AKAP9: variants seen among roughly 807,000 people sequenced by gnomAD.
AKAP9 encodes A-kinase anchoring protein 9.
AKAP9 carries 311 observed loss-of-function variants against 488.5 expected under a neutral mutation model. The ratio of observed to expected loss-of-function variants is 0.64; its 90% CI spans 0.58 to 0.70. The LOEUF is 0.70. Ranked by LOEUF, AKAP9 falls within the 30% of genes least tolerant of loss-of-function variation. The pLI is 0.00. For missense variants in AKAP9, 4,215 were observed against 4,374.5 expected (o/e 0.96, Z 1.03); for synonymous variants, 1,462 against 1,483.5 (o/e 0.99, Z 0.33).
At chr7:91,971,633 TTTC>T (rs955100179) in intron 1 of AKAP9, among the ~76,000 whole-genome samples, 3 of 143,702 alleles carry the variant, frequency 2.1e-5, no homozygotes, top group Admixed American at 7.4e-5. Flanking sequence ...AGTGGCGCGA[TTTC>T]AGCTCACTGC....
chr7:92,039,050 C>A (rs959051364), intron 17 of AKAP9, among the ~76,000 whole-genome samples: 1 of 152,070 alleles, frequency 6.6e-6, no homozygotes, highest in African/African-American at 2.4e-5. Flanking sequence ...GGACTCCATG[C>A]GCGTGCCACC....
rs759825213 is a variant in AKAP9, at chr7:92,097,617, C to T, written c.10430C>T (p.Thr3477Ile). The change falls in exon 42 of 50, where the codon ACT becomes ATT. Residue 3477 changes from threonine (T) to isoleucine (I), a missense_variant. Thr to Ile is a moderately conservative substitution (Grantham distance 89). Around this residue, in one of 5 missense-constraint regions of AKAP9, gnomAD observed 1,476 missense variants for 1,477.4 expected, o/e 1.00. Transcript: ENST00000356239. ...PTTWSLTSDR[T>I]RNWVLQQKIE... ...ACGTGGAGCTTAACCAGTGATAGAACTAGAAATTGGGTTCTTCAACAGAAA... is the reference window on the plus strand; with the variant it reads ...ACGTGGAGCTTAACCAGTGATAGAATTAGAAATTGGGTTCTTCAACAGAAA... 6.2e-7 allele frequency: 1 copy of T among 1,613,678 alleles called. No homozygotes were observed. The highest frequency in any genetic ancestry group is 1.7e-5 in the Admixed American group (1 of 60,012).
intron 37 of AKAP9, among the ~76,000 whole-genome samples, chr7:92,087,942 G>A (rs1402668693): frequency 6.6e-6 from 1 of 151,740 alleles, no homozygotes; most frequent in Admixed American, 6.6e-5. Context: ...AGTAAATGTA[G>A]AAGGAACAAT....
chr7:92,089,290 T>C (rs1815124605), intron 37 of AKAP9, 95 bp from the exon 38 acceptor site: 1 of 1,399,254 alleles, frequency 7.1e-7, no homozygotes, highest in Non-Finnish European at 1.0e-6. Flanking sequence ...AATTTTAGTA[T>C]GTGTGTTCCA....
At position 91,941,821 on chromosome 7, in the gene AKAP9, C is replaced by T. The variant is rs991499362; in HGVS notation, c.48+674C>T. On this transcript the variant is annotated intron_variant, in intron 1 of 49. Coordinates refer to ENST00000356239, the MANE Select transcript of AKAP9 (RefSeq NM_005751.5). Reference sequence around the variant, plus strand: ...AGGACCGAAAGGTTCCATATGCCAACACCTATAGAATTCCTGCTTTAAATA... The same window carrying T: ...AGGACCGAAAGGTTCCATATGCCAATACCTATAGAATTCCTGCTTTAAATA... 7.2e-5 allele frequency among the ~76,000 whole-genome samples: 11 copies of T among 151,982 alleles called. No homozygotes were observed. The East Asian group carries it at 2.1e-3, about 29-fold the overall frequency.
rs575180610 is a variant in AKAP9, at chr7:92,005,411, G to T, written c.3318+2176G>T. On this transcript the variant is annotated intron_variant, in intron 8 of 49. Transcript: ENST00000356239. ...GGTAAGTTTAAAGAACAGAATGAAG[G>T]CTTGTGTAGTTGAGTTTGAGAGAGC... Among the ~76,000 whole-genome samples, 3 of 152,248 alleles carry T rather than the reference G, an allele frequency of 2.0e-5. No individual in the cohort carries two copies. In the East Asian group the frequency reaches 5.8e-4, roughly 29 times the overall value.
chr7:91,989,218 G>T (rs1797476075), intron 3 of AKAP9, among the ~76,000 whole-genome samples: 1 of 152,002 alleles, frequency 6.6e-6, no homozygotes, highest in African/African-American at 2.4e-5. Flanking sequence ...ATTTATTTAG[G>T]TATATTGTGG....
chr7:92,108,423 G>T, intron 48 of AKAP9, 71 bp from the exon 49 acceptor site: 1 of 1,515,706 alleles, frequency 6.6e-7, no homozygotes. Flanking sequence ...GGAAGGGAGT[G>T]GAGGCAGGTT....
chr7:92,016,737 G>A (rs980259765), intron 11 of AKAP9, among the ~76,000 whole-genome samples: 1 of 152,060 alleles, frequency 6.6e-6, no homozygotes, highest in Non-Finnish European at 1.5e-5. Context: ...TTCTTTCACA[G>A]AGAAAATGTT....
Position 92,057,150 on chromosome 7 carries a change from T to C in AKAP9, c.5602-4110T>C, listed in dbSNP as rs570338754. On this transcript the variant is annotated intron_variant, in intron 22 of 49. Transcript: ENST00000356239. ...TTTAAAAAGAATTTTTTCCTTAGCA[T>C]GTACTCTGTAAACAATATGAAAATA... 5.3e-5 allele frequency among the ~76,000 whole-genome samples: 8 copies of C among 152,174 alleles called. No individual in the cohort carries two copies. In the South Asian group the frequency reaches 1.7e-3, roughly 32 times the overall value.
chr7:92,041,849 G>C (rs1806161992), intron 18 of AKAP9, 197 bp from the exon 19 acceptor site: 1 of 534,076 alleles, frequency 1.9e-6, no homozygotes, highest in African/African-American at 1.9e-5. Flanking sequence ...TGAATATATA[G>C]ACTTAATTGG....
chr7:92,042,861 T>C, intron 20 of AKAP9, 90 bp downstream of exon 20: 1 of 857,992 alleles, frequency 1.2e-6, no homozygotes, highest in East Asian at 2.6e-5. Flanking sequence ...ATCTTGTACA[T>C]TGATACTTTG....
chr7:92,085,780 T>C, intron 36 of AKAP9, 94 bp downstream of exon 36: 1 of 984,676 alleles, frequency 1.0e-6, no homozygotes, highest in Non-Finnish European at 1.5e-6. Flanking sequence ...TACATATTTT[T>C]GCATGAATAA....
At chr7:92,028,555 A>G (rs1188088635) in intron 14 of AKAP9, among the ~76,000 whole-genome samples, 3 of 152,106 alleles carry the variant, frequency 2.0e-5, no homozygotes, top group African/African-American at 4.8e-5. Flanking sequence ...GAAGCATGGG[A>G]TGGTCATAGA....
At position 92,026,245 on chromosome 7, in the gene AKAP9, T is replaced by G. The variant is rs117149878; in HGVS notation, c.4148+3236T>G. On this transcript the variant is annotated intron_variant, in intron 14 of 49. Coordinates refer to ENST00000356239, the MANE Select transcript of AKAP9 (RefSeq NM_005751.5). ...ACAATGAATTAAGTTTACGCCAGACTGTTTTTTTCAGTTTGGAGTAATAAA... is the reference window on the plus strand; with the variant it reads ...ACAATGAATTAAGTTTACGCCAGACGGTTTTTTTCAGTTTGGAGTAATAAA... 5.2e-3 allele frequency among the ~76,000 whole-genome samples: 799 copies of G among 152,300 alleles called. 2 individuals are homozygous for G. Among genetic ancestry groups the G allele is most frequent in the Non-Finnish European group, 7.9e-3 (537 of 68,026 alleles).
At chr7:92,104,449 C>T (rs934090862) in intron 46 of AKAP9, among the ~76,000 whole-genome samples, 18 of 152,058 alleles carry the variant, frequency 1.2e-4, no homozygotes, top group African/African-American at 4.1e-4. Flanking sequence ...CCTCGGCCTC[C>T]GAAAGTGCTG....
At chr7:92,101,368 C>T (rs957610702) in intron 45 of AKAP9, among the ~76,000 whole-genome samples, 1 of 151,052 alleles carries the variant, frequency 6.6e-6, no homozygotes, top group South Asian at 2.1e-4. Flanking sequence ...ACCCAGGAAG[C>T]GGAGGTTGCA....
At chr7:92,028,731 G>C (rs1803738347) in intron 14 of AKAP9, among the ~76,000 whole-genome samples, 2 of 152,252 alleles carry the variant, frequency 1.3e-5, no homozygotes, top group South Asian at 2.1e-4. Flanking sequence ...ACTATTATGA[G>C]AATAAAATTA....
rs1563104363 is a variant in AKAP9 at position 92,079,829 on chromosome 7, G to A, written c.7696G>A (p.Glu2566Lys). 24 of 1,614,038 alleles carry A rather than the reference G, an allele frequency of 1.5e-5. No homozygotes were observed. Among genetic ancestry groups the A allele is most frequent in the Non-Finnish European group, 1.9e-5 (23 of 1,179,992 alleles). The change falls in exon 31 of 50, where the codon GAA (glutamate) becomes AAA (lysine). Residue 2566 changes from glutamate (E) to lysine (K), a missense_variant. This residue lies in a region of AKAP9 where 1,476 missense variants were observed against 1,477.4 expected (regional missense o/e 1.00). Transcript: ENST00000356239. ...VSQIQLEAVQ[E>K]YAKFCQDNQT... ...TCAAATCCAACTTGAGGCAGTTCAG[G>A]AATATGCAAAATTCTGTCAAGATAA...
Sources: allele counts gnomAD v4.1 joint callset (sites outside exome capture counted in the v4.1 genomes callset), GRCh38; gene constraint gnomAD v4.1.1; regional missense constraint gnomAD v4.1.1; transcripts MANE v1.5; gene names NCBI Gene and HGNC (gene_info 2026-07-23, HGNC 2026-07-21).